CLK4: variants seen among roughly 807,000 people sequenced by gnomAD.
CLK4 encodes CDC like kinase 4, also known as dual specificity protein kinase CLK4.
In CLK4, 37 loss-of-function variants were observed where a neutral mutation model predicts 64.4. That is an observed-to-expected ratio of 0.57 (90% CI 0.44 to 0.76). The LOEUF (loss-of-function observed/expected upper bound fraction) is 0.76, where lower values mean the gene tolerates loss of function less well. Ranked by LOEUF, CLK4 falls within the 30% of genes least tolerant of loss-of-function variation. The probability of loss-of-function intolerance (pLI) is 0.00; values close to 1 mark genes in which losing one functional copy is unlikely to be tolerated. For synonymous variants in CLK4, 175 were observed against 191.6 expected, an observed-to-expected ratio of 0.91 and a Z score of 0.72; for missense variants, 457 against 605.1, an observed-to-expected ratio of 0.76 and a Z score of 2.57.
In CLK4 at chr5:178,617,134, C is replaced by T. The variant is rs925258205; in HGVS notation, c.476-186G>A. On this transcript the variant is annotated intron_variant, in intron 4 of 12. Coordinates refer to ENST00000316308, the MANE Select transcript of CLK4 (RefSeq NM_020666.3). This position sits in a 1 kb window ranked among gnomAD's most constrained non-coding sequence, Gnocchi z 5.2. The stretch of plus-strand genomic sequence containing the variant: ...CAATTAGATAGAGCTATCTTTCTTG[C>T]TCTAATCTCAAATTCCACTGATTAT... 15 of 640,530 alleles carry T rather than the reference C, an allele frequency of 2.3e-5. No homozygotes were observed. Among genetic ancestry groups the T allele is most frequent in the Non-Finnish European group, 4.1e-5 (15 of 364,374 alleles). 39.7% of individuals were successfully genotyped at this position (640,530 alleles called of 1,614,324 possible). A position where few individuals can be genotyped will look rare whatever the true frequency, so the allele number is the denominator to read the frequency against.
intron 2 of CLK4, chr5:178,622,787 G>GTACAT (rs1764726409): frequency 6.2e-6 from 1 of 161,744 alleles, no homozygotes; most frequent in Non-Finnish European, 1.3e-5. Flanking sequence ...TGGTATAAGT[G>GTACAT]ACTAATAATA....
At position 178,613,645 on chromosome 5, in the gene CLK4, A is replaced by G. The variant is rs2113806897; in HGVS notation, c.660-6T>C. On this transcript the variant is annotated splice_polypyrimidine_tract_variant and splice_region_variant and intron_variant, in intron 6 of 12. Coordinates refer to ENST00000316308, the MANE Select transcript of CLK4 (RefSeq NM_020666.3). ...CTAGCATCTGGACACATCGGCTAAA[A>G]CAGAGCAAAATAATAATTCAGTTTA... 6.2e-7 allele frequency: 1 copy of G among 1,608,180 alleles called. No individual in the cohort carries two copies. The highest frequency in any genetic ancestry group is 2.2e-5 in the East Asian group (1 of 44,806).
At chr5:178,616,400 C>G (rs1764627411) in intron 5 of CLK4, among the ~76,000 whole-genome samples, 1 of 152,152 alleles carries the variant, frequency 6.6e-6, no homozygotes, top group African/African-American at 2.4e-5. Flanking sequence ...GCCCGGCAGT[C>G]AGCATTCTTA....
chr5:178,611,282 C>A (rs1027161425), intron 9 of CLK4, among the ~76,000 whole-genome samples: 1 of 152,164 alleles, frequency 6.6e-6, no homozygotes, highest in African/African-American at 2.4e-5. Context: ...ATATTGCTTT[C>A]TTTTACCCTT....
At chr5:178,618,460 T>A (rs1004590445) in intron 3 of CLK4, 96 bp downstream of exon 3, 47 of 362,116 alleles carry the variant, frequency 1.3e-4, no homozygotes, top group African/African-American at 5.2e-4. Context: ...AAATAGTATT[T>A]TATATATATA....
chr5:178,608,421 T>A lies in CLK4; in HGVS notation c.1089A>T (p.Ile363=), dbSNP rs1215104175. ...GWSQPCDVWS[I]GCILIEYYLG... is the part of the protein sequence containing the mutation. The stretch of plus-strand genomic sequence containing the variant: ...GGTAATATTCAATAAGAATGCAACC[T>A]ATGCTCCAAACATCACAAGGCTGAG... Residue 363 remains isoleucine, a synonymous_variant, in exon 10 of 13, where the codon ATA becomes ATT. Transcript: ENST00000316308. 6.2e-7 allele frequency: 1 copy of A among 1,610,830 alleles called. No homozygotes were observed. Among genetic ancestry groups the A allele is most frequent in the Non-Finnish European group, 8.5e-7 (1 of 1,178,924 alleles).
chr5:178,607,469 TATTA>T (rs1764483136), intron 10 of CLK4, among the ~76,000 whole-genome samples: 1 of 151,534 alleles, frequency 6.6e-6, no homozygotes, highest in African/African-American at 2.4e-5. Flanking sequence ...CTAAAGTAAT[TATTA>T]ACCTTTCCTG....
chr5:178,623,683 C>T (rs1421531395), intron 1 of CLK4, among the ~76,000 whole-genome samples: 1 of 150,686 alleles, frequency 6.6e-6, no homozygotes, highest in Non-Finnish European at 1.5e-5. Context: ...GACAAATTCT[C>T]AGCTTGGTGC....
At chr5:178,608,531 T>A (rs537161573) in intron 9 of CLK4, 73 bp from the exon 10 acceptor site, 1 of 1,089,758 alleles carries the variant, frequency 9.2e-7, no homozygotes, top group East Asian at 2.4e-5. Context: ...TCCTTCCCTA[T>A]ATGAGTGCTC....
chr5:178,618,375 T>C (rs545991236), intron 3 of CLK4, 181 bp downstream of exon 3: 41 of 232,626 alleles, frequency 1.8e-4, no homozygotes, highest in Admixed American at 1.1e-3. Context: ...AGCTAATAAA[T>C]ATACAGATCA....
chr5:178,622,373 G>A, intron 2 of CLK4: 17 of 966,268 alleles, frequency 1.8e-5, no homozygotes, highest in Non-Finnish European at 2.0e-5. Flanking sequence ...TTAACGTGGA[G>A]AAGGAAAGAA....
chr5:178,612,576 C>T (rs1231707329), intron 8 of CLK4, 31 bp from the exon 9 acceptor site: 1 of 1,607,082 alleles, frequency 6.2e-7, no homozygotes, highest in South Asian at 1.1e-5. Flanking sequence ...AAACATGAAA[C>T]TCAATAGATA....
chr5:178,605,652 A>G (rs1764456945), intron 10 of CLK4, among the ~76,000 whole-genome samples: 1 of 152,242 alleles, frequency 6.6e-6, no homozygotes, highest in Non-Finnish European at 1.5e-5. Context: ...TCTCTAAACA[A>G]TTCTGAGCTA....
At chr5:178,615,198 T>C (rs893431644) in intron 5 of CLK4, among the ~76,000 whole-genome samples, 1 of 151,812 alleles carries the variant, frequency 6.6e-6, no homozygotes, top group Admixed American at 6.6e-5. Context: ...AAAAAAAAAT[T>C]TTTTTTAAGA....
chr5:178,612,928 C>T, intron 7 of CLK4, 38 bp from the exon 8 acceptor site: 1 of 1,088,378 alleles, frequency 9.2e-7, no homozygotes, highest in Non-Finnish European at 1.4e-6. Flanking sequence ...GTTTCACTTA[C>T]AAACTTAATT....
chr5:178,624,574 A>C (rs561378922), intron 1 of CLK4, among the ~76,000 whole-genome samples: 2 of 152,094 alleles, frequency 1.3e-5, no homozygotes, highest in South Asian at 4.2e-4. Flanking sequence ...AAACAATATA[A>C]CCCCTATCTG....
At position 178,617,476 on chromosome 5, in the gene CLK4, C is replaced by G. The variant is rs781393517; in HGVS notation, c.385-42G>C. On this transcript the variant is annotated intron_variant, in intron 3 of 12. Coordinates refer to ENST00000316308, the MANE Select transcript of CLK4 (RefSeq NM_020666.3). This position sits in a 1 kb window ranked among gnomAD's most constrained non-coding sequence, Gnocchi z 5.2. Reference sequence around the variant, plus strand: ...GCAGCACCAAGATCGTCCAGCCAATCAATATATCAGAGTGAATTCAGGGCA... The same window carrying G: ...GCAGCACCAAGATCGTCCAGCCAATGAATATATCAGAGTGAATTCAGGGCA... 1 of 1,521,274 alleles carries G rather than the reference C, an allele frequency of 6.6e-7. No individual in the cohort carries two copies. The highest frequency in any genetic ancestry group is 1.4e-5 in the African/African-American group (1 of 72,964). The allele number at this position is 1,521,274 out of a possible 1,614,324, so 94.2% of individuals were successfully genotyped here.
intron 5 of CLK4, among the ~76,000 whole-genome samples, chr5:178,616,332 A>T (rs1764626635): frequency 6.6e-6 from 1 of 152,164 alleles, no homozygotes; most frequent in Non-Finnish European, 1.5e-5. Context: ...TCCCAACCTC[A>T]GGTGATCCAC....
rs144873809 is a variant in CLK4, at chr5:178,611,544, C to T, written c.1051+872G>A. ...CAGTGCAGAAATGGAACATTTCCGTCATCAAGGGAAGTTCTGTGGGCAAGA... is the reference window on the plus strand; with the variant it reads ...CAGTGCAGAAATGGAACATTTCCGTTATCAAGGGAAGTTCTGTGGGCAAGA... On this transcript the variant is annotated intron_variant, in intron 9 of 12. Transcript: ENST00000316308. 6.9e-3 allele frequency among the ~76,000 whole-genome samples: 1,053 copies of T among 152,326 alleles called. 5 individuals carry two copies. The highest frequency in any genetic ancestry group is 0.011 in the Admixed American group (172 of 15,300).
Sources: gnomAD v4.1 joint callset for allele counts (sites outside exome capture counted in the v4.1 genomes callset) on GRCh38, gnomAD v4.1.1 for gene constraint, Gnocchi (gnomAD v3.1) non-coding constraint, MANE v1.5 for transcripts, NCBI Gene and HGNC (gene_info 2026-07-23, HGNC 2026-07-21) for gene names.